Variants in WWOX observed in about 807,000 individuals in gnomAD.
WWOX encodes WW domain-containing oxidoreductase.
Under a neutral mutation model 46.2 loss-of-function variants are expected in WWOX, and 69 were observed. That is an observed-to-expected ratio of 1.49 (90% confidence interval 1.23 to 1.82). The LOEUF is 1.82. Among genes scored for constraint, WWOX ranks in the 40% most tolerant of loss-of-function variants. WWOX has a pLI of 0.00. For synonymous variants in WWOX, 359 were observed against 202.6 expected (o/e 1.77, Z -6.56); for missense variants, 919 against 542.6 (o/e 1.69, Z -6.89).
intron 8 of WWOX, among the ~76,000 whole-genome samples, chr16:78,990,889 C>T (rs2046874532): frequency 2.6e-5 from 4 of 152,198 alleles, no homozygotes; most frequent in South Asian, 2.1e-4. Flanking sequence ...GTGATGAACA[C>T]AGCATGAGTG....
At chr16:78,327,035 G>C (rs1490441311) in intron 5 of WWOX, among the ~76,000 whole-genome samples, 2 of 152,012 alleles carry the variant, frequency 1.3e-5, no homozygotes, top group Non-Finnish European at 2.9e-5. Context: ...TGGCTTCCTC[G>C]ATCCTCAGCA....
intron 8 of WWOX, among the ~76,000 whole-genome samples, chr16:78,747,647 C>G (rs1004607737): frequency 2.0e-5 from 3 of 152,154 alleles, no homozygotes; most frequent in Admixed American, 6.5e-5. Context: ...CACTCTGTTT[C>G]TTTTCTTTTG....
chr16:79,070,350 GT>G (rs1470592543), intron 8 of WWOX, among the ~76,000 whole-genome samples: 1 of 151,648 alleles, frequency 6.6e-6, no homozygotes, highest in Non-Finnish European at 1.5e-5. Context: ...TGAGATTACT[GT>G]TGAGAAGTAA....
At chr16:78,484,609 A>G (rs2151452168) in intron 8 of WWOX, among the ~76,000 whole-genome samples, 1 of 152,334 alleles carries the variant, frequency 6.6e-6, no homozygotes, top group East Asian at 1.9e-4. Context: ...AATAATTATC[A>G]AGGTGGCAAA....
At chr16:78,381,970 A>C (rs2081965588) in intron 5 of WWOX, among the ~76,000 whole-genome samples, 1 of 152,140 alleles carries the variant, frequency 6.6e-6, no homozygotes, top group Non-Finnish European at 1.5e-5. Flanking sequence ...GGTTCAAGTG[A>C]TCTTCCTGCC....
intron 8 of WWOX, among the ~76,000 whole-genome samples, chr16:79,002,208 C>G (rs1269194135): frequency 7.3e-6 from 1 of 136,686 alleles, no homozygotes; most frequent in African/African-American, 2.7e-5. Flanking sequence ...CCTTGGGTGT[C>G]CTGCCTTTTT....
intron 1 of WWOX, among the ~76,000 whole-genome samples, chr16:78,104,033 C>G (rs776752813): frequency 1.3e-5 from 2 of 152,048 alleles, no homozygotes; most frequent in Non-Finnish European, 2.9e-5. Context: ...CTCACAGTCT[C>G]AGAGCAGCCC....
intron 8 of WWOX, among the ~76,000 whole-genome samples, chr16:78,797,918 G>A (rs2050786574): frequency 6.6e-6 from 1 of 152,154 alleles, no homozygotes; most frequent in Non-Finnish European, 1.5e-5. Flanking sequence ...AGCCCAAGAG[G>A]TCAAGACGGT....
At chr16:78,629,271 A>AAGAC (rs1358431650) in intron 8 of WWOX, among the ~76,000 whole-genome samples, 5 of 150,184 alleles carry the variant, frequency 3.3e-5, no homozygotes, top group South Asian at 2.1e-4. Context: ...ATGGGGTCAT[A>AAGAC]AGACATTGGT....
chr16:78,173,527 T>C (rs2151745435), intron 5 of WWOX, among the ~76,000 whole-genome samples: 1 of 151,774 alleles, frequency 6.6e-6, no homozygotes, highest in South Asian at 2.1e-4. Context: ...CGAATTCCTC[T>C]GCTCAGGCGA....
intron 8 of WWOX, among the ~76,000 whole-genome samples, chr16:78,836,928 C>A (rs1010971809): frequency 2.6e-5 from 4 of 151,974 alleles, no homozygotes; most frequent in Non-Finnish European, 5.9e-5. Flanking sequence ...AGGTTGGCAG[C>A]AAAATATGAG....
At chr16:78,763,376 A>G (rs2049841794) in intron 8 of WWOX, among the ~76,000 whole-genome samples, 1 of 152,328 alleles carries the variant, frequency 6.6e-6, no homozygotes, top group East Asian at 1.9e-4. Context: ...GTTTCTGTTC[A>G]TCCAGAACTC....
intron 8 of WWOX, among the ~76,000 whole-genome samples, chr16:79,170,302 A>G (rs142563675): frequency 6.6e-6 from 1 of 152,212 alleles, no homozygotes; most frequent in Admixed American, 6.5e-5. Context: ...GAAATAGAGG[A>G]TCAGAGAAGC....
chr16:78,455,838 A>C lies in WWOX; in HGVS notation c.1056+23086A>C, dbSNP rs74647233. Among the ~76,000 whole-genome samples the C allele has an allele frequency of 4.4e-3, 661 of 151,432 alleles. 9 individuals are homozygous for C. The highest frequency in any genetic ancestry group is 0.015 in the African/African-American group (636 of 41,464). On this transcript the variant is annotated intron_variant, in intron 8 of 8. Transcript: ENST00000566780. ...CAAGGACCTCATGTTAAAGTTGATG[A>C]TGACGGAAGTGAGCAGTGATGATGA...
chr16:78,961,309 G>A (rs1043726520), intron 8 of WWOX, among the ~76,000 whole-genome samples: 1 of 152,224 alleles, frequency 6.6e-6, no homozygotes, highest in Non-Finnish European at 1.5e-5. Context: ...AATTGAACAT[G>A]CCTAAATTGA....
chr16:78,828,847 T>A (rs541430541), intron 8 of WWOX, among the ~76,000 whole-genome samples: 286 of 152,322 alleles, frequency 1.9e-3, no homozygotes, highest in African/African-American at 6.4e-3. Context: ...CACTGTCTTT[T>A]GAGCAGCATT....
intron 6 of WWOX, among the ~76,000 whole-genome samples, chr16:78,411,188 A>C (rs1008027772): frequency 6.6e-6 from 1 of 152,208 alleles, no homozygotes; most frequent in Non-Finnish European, 1.5e-5. Flanking sequence ...ATTACACAAA[A>C]GTATGAAAAC....
At chr16:79,094,527 C>T (rs184278923) in intron 8 of WWOX, among the ~76,000 whole-genome samples, 75 of 152,292 alleles carry the variant, frequency 4.9e-4, no homozygotes, top group African/African-American at 8.2e-4. Context: ...GCTGGGATGA[C>T]GGGTGTGAGC....
intron 5 of WWOX, among the ~76,000 whole-genome samples, chr16:78,203,882 T>A (rs1376940121): frequency 6.6e-6 from 1 of 152,224 alleles, no homozygotes; most frequent in Non-Finnish European, 1.5e-5. Flanking sequence ...GAAAGAGCCC[T>A]GTGCATGGCT....
Sources: gnomAD v4.1 joint callset for allele counts (sites outside exome capture counted in the v4.1 genomes callset) on GRCh38, gnomAD v4.1.1 for gene constraint, MANE v1.5 for transcripts, NCBI Gene and HGNC (gene_info 2026-07-23, HGNC 2026-07-21) for gene names.